XKR4: variants seen among roughly 807,000 people sequenced by gnomAD.
XKR4 encodes the protein XK-related protein 4.
XKR4 carries 12 observed loss-of-function variants against 53.9 expected under a neutral mutation model. That is an observed-to-expected ratio of 0.22 (90% confidence interval 0.14 to 0.36). The LOEUF (loss-of-function observed/expected upper bound fraction) is 0.36. XKR4 is among the 10% of genes least tolerant of loss of function. XKR4 has a pLI of 1.00. For missense variants in XKR4, 799 were observed against 859.5 expected (o/e 0.93, Z 0.88); for synonymous variants, 354 against 362.4 (o/e 0.98, Z 0.26).
intron 1 of XKR4, among the ~76,000 whole-genome samples, chr8:55,148,970 A>G (rs1366083140): frequency 6.6e-6 from 1 of 152,248 alleles, no homozygotes; most frequent in Non-Finnish European, 1.5e-5. Context: ...CAAAAGTACA[A>G]ATAAGCCAAG....
intron 2 of XKR4, among the ~76,000 whole-genome samples, chr8:55,465,144 T>C (rs1357924853): frequency 1.3e-5 from 2 of 152,058 alleles, no homozygotes; most frequent in Non-Finnish European, 2.9e-5. Context: ...TACTTTAAAG[T>C]TCATATGGAA....
At chr8:55,467,079 C>T (rs1805786275) in intron 2 of XKR4, among the ~76,000 whole-genome samples, 1 of 152,104 alleles carries the variant, frequency 6.6e-6, no homozygotes, top group African/African-American at 2.4e-5. Flanking sequence ...GGGCTGCAAT[C>T]TCATCTGGGC....
chr8:55,265,569 G>A (rs1050637904), intron 1 of XKR4, among the ~76,000 whole-genome samples: 1 of 152,166 alleles, frequency 6.6e-6, no homozygotes, highest in Non-Finnish European at 1.5e-5. Flanking sequence ...AAGAAAGGGA[G>A]GGGGCTGGGC....
intron 1 of XKR4, among the ~76,000 whole-genome samples, chr8:55,285,622 C>T (rs1011022416): frequency 6.6e-6 from 1 of 152,168 alleles, no homozygotes; most frequent in African/African-American, 2.4e-5. Context: ...AGGAAGAGAA[C>T]TCCTCGAAGA....
chr8:55,200,122 T>C (rs1488233420), intron 1 of XKR4, among the ~76,000 whole-genome samples: 2 of 152,192 alleles, frequency 1.3e-5, no homozygotes, highest in Non-Finnish European at 2.9e-5. Context: ...TGGAGTGTAG[T>C]GGCACAATCT....
In XKR4 at chr8:55,102,997, A is replaced by C; in HGVS notation, c.509A>C (p.Asp170Ala). 6.2e-7 allele frequency: 1 copy of C among 1,612,144 alleles called. No individual in the cohort carries two copies. Among genetic ancestry groups the C allele is most frequent in the Non-Finnish European group, 8.5e-7 (1 of 1,179,846 alleles). Residue 170 changes from aspartate to alanine, a missense_variant, in exon 1 of 3, where the codon GAT becomes GCT. This residue lies in a region of XKR4 where 476 missense variants were observed against 505.4 expected (regional missense o/e 0.94). Transcript: ENST00000327381. The surrounding 1 kb of genome is among the most constrained non-coding windows in gnomAD (Gnocchi z 5.1). ...QVFSFRWFVH[D>A]FSTEDSATAA... ...TTCAGCTTCCGCTGGTTTGTGCACG[A>C]TTTCAGCACCGAGGACAGCGCCACG...
intron 1 of XKR4, among the ~76,000 whole-genome samples, chr8:55,242,209 T>C (rs775113700): frequency 2.6e-5 from 4 of 152,208 alleles, no homozygotes; most frequent in Admixed American, 2.0e-4. Context: ...AGCTTTGTTC[T>C]TGTCCTGATT....
chr8:55,255,019 C>T (rs905546262), intron 1 of XKR4, among the ~76,000 whole-genome samples: 1 of 152,162 alleles, frequency 6.6e-6, no homozygotes, highest in Admixed American at 6.5e-5. Context: ...CCCAGTGCAC[C>T]GAATTTAAGC....
At chr8:55,452,330 C>T (rs570728473) in intron 2 of XKR4, 10 of 638,386 alleles carry the variant, frequency 1.6e-5, no homozygotes, top group Non-Finnish European at 2.9e-5. Context: ...AGGAGCGGAA[C>T]ACCACCTTCT....
chr8:55,209,184 G>A (rs1055055023), intron 1 of XKR4, among the ~76,000 whole-genome samples: 1 of 136,342 alleles, frequency 7.3e-6, no homozygotes, highest in Non-Finnish European at 1.6e-5. Context: ...TGGCCCCAAA[G>A]AGGGAGAGCA....
chr8:55,481,688 T>C (rs575810816), intron 2 of XKR4, among the ~76,000 whole-genome samples: 6 of 151,604 alleles, frequency 4.0e-5, no homozygotes, highest in Non-Finnish European at 7.4e-5. Flanking sequence ...TGAACTCAAA[T>C]CAATTTACAA....
chr8:55,226,781 T>C, intron 1 of XKR4, among the ~76,000 whole-genome samples: 1 of 152,190 alleles, frequency 6.6e-6, no homozygotes, highest in East Asian at 1.9e-4. Flanking sequence ...CTTCCTTTAA[T>C]ACCTCTTGTT....
chr8:55,378,003 A>G (rs1276808092), intron 2 of XKR4, among the ~76,000 whole-genome samples: 3 of 152,324 alleles, frequency 2.0e-5, no homozygotes, highest in African/African-American at 7.2e-5. Flanking sequence ...CATAGTACCA[A>G]TCAGATGCTG....
rs1292540145 is a variant in XKR4 at position 55,246,939 on chromosome 8, C to T, written c.807-110739C>T. Among the ~76,000 whole-genome samples, 5 of 152,150 alleles carry T rather than the reference C, an allele frequency of 3.3e-5. No individual in the cohort carries two copies. The East Asian group carries it at 5.8e-4, about 18-fold the overall frequency. On this transcript the variant is annotated intron_variant, in intron 1 of 2. Transcript: ENST00000327381. ...TTCTTCGAGGAAAATCCCTGGGGGC[C>T]GGCTGAGTACAGACCTGCAGAAAGA...
At chr8:55,489,225 G>A (rs1252063772) in intron 2 of XKR4, among the ~76,000 whole-genome samples, 2 of 152,102 alleles carry the variant, frequency 1.3e-5, no homozygotes, top group African/African-American at 4.8e-5. Context: ...AATGCAAGAT[G>A]TTAATAATAA....
At chr8:55,221,026 G>A (rs1044561112) in intron 1 of XKR4, among the ~76,000 whole-genome samples, 5 of 152,052 alleles carry the variant, frequency 3.3e-5, no homozygotes, top group Non-Finnish European at 7.4e-5. Context: ...GATACTTATT[G>A]TTCCTCCCAT....
At chr8:55,292,690 A>G (rs1819047409) in intron 1 of XKR4, among the ~76,000 whole-genome samples, 1 of 151,582 alleles carries the variant, frequency 6.6e-6, no homozygotes, top group African/African-American at 2.4e-5. Context: ...GAATTCATTT[A>G]CCTCTTTCTT....
At chr8:55,317,862 G>T (rs1365063143) in intron 1 of XKR4, among the ~76,000 whole-genome samples, 1 of 152,192 alleles carries the variant, frequency 6.6e-6, no homozygotes, top group Non-Finnish European at 1.5e-5. Context: ...TGAGACTCAG[G>T]AGCAGAATTC....
intron 2 of XKR4, among the ~76,000 whole-genome samples, chr8:55,359,934 T>A (rs1265004207): frequency 6.6e-6 from 1 of 152,190 alleles, no homozygotes; most frequent in Non-Finnish European, 1.5e-5. Flanking sequence ...AGCTAACCGA[T>A]TAAGCTTGAC....
Sources: gnomAD v4.1 joint callset for allele counts (sites outside exome capture counted in the v4.1 genomes callset) on GRCh38, gnomAD v4.1.1 for gene constraint, gnomAD v4.1.1 regional missense constraint, Gnocchi (gnomAD v3.1) non-coding constraint, MANE v1.5 for transcripts, NCBI Gene and HGNC (gene_info 2026-07-23, HGNC 2026-07-21) for gene names.